Variants in HHIP observed in about 807,000 individuals in gnomAD.
HHIP encodes hedgehog interacting protein, also known as hedgehog-interacting protein.
HHIP carries 12 observed loss-of-function variants against 74.0 expected under a neutral mutation model. That is an observed-to-expected ratio of 0.16 (90% CI 0.10 to 0.26). The LOEUF (loss-of-function observed/expected upper bound fraction) is 0.26. HHIP is among the 10% of genes least tolerant of loss of function. The probability of loss-of-function intolerance (pLI) is 1.00; values close to 1 mark genes in which losing one functional copy is unlikely to be tolerated. For synonymous variants in HHIP, 309 were observed against 311.6 expected (o/e 0.99, Z 0.09); for missense variants, 788 against 845.0 (o/e 0.93, Z 0.84).
intron 4 of HHIP, among the ~76,000 whole-genome samples, chr4:144,682,232 C>T (rs1729366619): frequency 6.6e-6 from 1 of 152,186 alleles, no homozygotes; most frequent in South Asian, 2.1e-4. Flanking sequence ...ATTTGCAGGA[C>T]AGCGAAAACT....
At chr4:144,686,667 T>A (rs1443934308) in intron 4 of HHIP, among the ~76,000 whole-genome samples, 2 of 152,200 alleles carry the variant, frequency 1.3e-5, no homozygotes, top group African/African-American at 4.8e-5. Context: ...TAAAAACAAC[T>A]TAGACTTTTA....
At position 144,646,569 on chromosome 4, in the gene HHIP, C is replaced by G. The variant is rs1325394436; in HGVS notation, c.-107C>G. 8.7e-7 allele frequency: 1 copy of G among 1,153,706 alleles called. No homozygotes were observed. The highest frequency in any genetic ancestry group is 1.2e-6 in the Non-Finnish European group (1 of 806,246). The allele number at this position is 1,153,706 out of a possible 1,614,324, so 71.5% of individuals were successfully genotyped here. A position where few individuals can be genotyped will look rare whatever the true frequency, so the allele number is the denominator to read the frequency against. ...CCACCTCCCTCTGTCTCTGGAGTGC[C>G]CTACAGCCCCGCAAACTCCTCCTGG... On this transcript the variant is annotated 5_prime_UTR_variant, in exon 1 of 13. Transcript: ENST00000296575.
chr4:144,659,680 G>A lies in HHIP; in HGVS notation c.673G>A (p.Gly225Arg). 6.4e-7 allele frequency: 1 copy of A among 1,559,760 alleles called. No individual in the cohort carries two copies. Among genetic ancestry groups the A allele is most frequent in the Non-Finnish European group, 8.6e-7 (1 of 1,158,462 alleles). Reference sequence around the variant, plus strand: ...CTTCTGTATTCAGGAGGTTGTGAGTGGGCTGCGGCAGCCCGTTGGTGCCCT... The same window carrying A: ...CTTCTGTATTCAGGAGGTTGTGAGTAGGCTGCGGCAGCCCGTTGGTGCCCT... ...NCFCIQEVVSGLRQPVGALHS... is the reference protein window; with the variant it reads ...NCFCIQEVVSRLRQPVGALHS... Residue 225 changes from glycine to arginine, a missense_variant, in exon 4 of 13, where the codon GGG (glycine) becomes AGG (arginine). Around this residue, in one of 3 missense-constraint regions of HHIP, gnomAD observed 373 missense variants for 366.4 expected, o/e 1.02. Transcript: ENST00000296575.
At chr4:144,712,210 T>G (rs1730324939) in intron 8 of HHIP, 139 bp downstream of exon 8, 2 of 703,330 alleles carry the variant, frequency 2.8e-6, no homozygotes, top group Non-Finnish European at 4.8e-6. Flanking sequence ...CATGCAGGAG[T>G]AAATTGCTCA....
intron 3 of HHIP, 47 bp downstream of exon 3, chr4:144,658,993 G>T: frequency 6.7e-7 from 1 of 1,495,420 alleles, no homozygotes; most frequent in South Asian, 1.3e-5. Flanking sequence ...AAACCCAACT[G>T]ACAAATCTTG....
chr4:144,702,092 G>T (rs1730002742), intron 4 of HHIP, among the ~76,000 whole-genome samples: 1 of 152,094 alleles, frequency 6.6e-6, no homozygotes, highest in Admixed American at 6.6e-5. Context: ...GTTCAAGGCT[G>T]CAGTGAGCCA....
At chr4:144,660,413 G>C (rs1728680277) in intron 4 of HHIP, 1 of 152,474 alleles carries the variant, frequency 6.6e-6, no homozygotes, top group Admixed American at 6.5e-5. Context: ...CAAAATTATT[G>C]TCAAGTTTGT....
chr4:144,715,756 A>G (rs1352146299), intron 10 of HHIP: 1 of 164,936 alleles, frequency 6.1e-6, no homozygotes, highest in Non-Finnish European at 1.3e-5. Flanking sequence ...ACATCTGAGT[A>G]GTTTGTGTAT....
At chr4:144,712,612 G>A (rs1431829227) in intron 8 of HHIP, among the ~76,000 whole-genome samples, 2 of 152,074 alleles carry the variant, frequency 1.3e-5, no homozygotes, top group Non-Finnish European at 2.9e-5. Flanking sequence ...TTAATAACAT[G>A]ATTACTTGAA....
chr4:144,681,512 G>A (rs765945997), intron 4 of HHIP, among the ~76,000 whole-genome samples: 24 of 141,762 alleles, frequency 1.7e-4, no homozygotes, highest in Non-Finnish European at 2.4e-4. Context: ...TGCAGCCTCC[G>A]CATCCTGGGT....
At chr4:144,727,494 T>C (rs1379751215) in intron 11 of HHIP, among the ~76,000 whole-genome samples, 2 of 152,190 alleles carry the variant, frequency 1.3e-5, no homozygotes, top group Admixed American at 1.3e-4. Context: ...TGAATTACAG[T>C]AGAAATGCCT....
At chr4:144,657,429 AT>A (rs1441835418) in intron 2 of HHIP, among the ~76,000 whole-genome samples, 3 of 152,172 alleles carry the variant, frequency 2.0e-5, no homozygotes, top group Non-Finnish European at 4.4e-5. Flanking sequence ...AATTTGTTAT[AT>A]AAAAATAAAA....
intron 3 of HHIP, 24 bp downstream of exon 3, chr4:144,658,970 A>C: frequency 6.4e-7 from 1 of 1,558,776 alleles, no homozygotes; most frequent in Non-Finnish European, 8.7e-7. Context: ...AATGCTCTTT[A>C]ATCTTTTTAA....
At chr4:144,656,781 GTTTGA>G (rs1263288064) in intron 2 of HHIP, among the ~76,000 whole-genome samples, 6 of 151,932 alleles carry the variant, frequency 3.9e-5, no homozygotes, top group African/African-American at 1.2e-4. Context: ...TGTGCAAAGA[GTTTGA>G]TTTAACAATT....
chr4:144,687,446 A>T (rs1395728848), intron 4 of HHIP, among the ~76,000 whole-genome samples: 1 of 152,198 alleles, frequency 6.6e-6, no homozygotes, highest in Non-Finnish European at 1.5e-5. Flanking sequence ...AGGCTAGTAC[A>T]GAGCTTAATG....
At chr4:144,725,663 C>T (rs1845122) in intron 11 of HHIP, among the ~76,000 whole-genome samples, 57,444 of 150,380 alleles carry the variant, frequency 0.38, 13,694 homozygotes, top group South Asian at 0.53. Context: ...TGTGCGCGTG[C>T]GTGTGTGTGT....
At chr4:144,671,449 T>C (rs1474847364) in intron 4 of HHIP, among the ~76,000 whole-genome samples, 1 of 152,128 alleles carries the variant, frequency 6.6e-6, no homozygotes, top group African/African-American at 2.4e-5. Flanking sequence ...CTTCTTCCCT[T>C]GAGAAGAATT....
intron 10 of HHIP, among the ~76,000 whole-genome samples, chr4:144,716,794 A>AGCCAAGATCGCACCATTGCACTCC: frequency 7.6e-6 from 1 of 131,692 alleles, no homozygotes; most frequent in African/African-American, 2.7e-5. Context: ...GGTTGCAGTG[A>AGCCAAGATCGCACCATTGCACTCC]GCCAAGATCG....
intron 4 of HHIP, among the ~76,000 whole-genome samples, chr4:144,675,282 ACAATT>A (rs1729142452): frequency 6.6e-6 from 1 of 152,178 alleles, no homozygotes; most frequent in Non-Finnish European, 1.5e-5. Context: ...ATGCATAAGA[ACAATT>A]AGAGATGAAT....
Sources: gnomAD v4.1 joint callset for allele counts (sites outside exome capture counted in the v4.1 genomes callset) on GRCh38, gnomAD v4.1.1 for gene constraint, gnomAD v4.1.1 regional missense constraint, MANE v1.5 for transcripts, NCBI Gene and HGNC (gene_info 2026-07-23, HGNC 2026-07-21) for gene names.